Variants in SPON1 observed in about 807,000 individuals in gnomAD.
SPON1 encodes spondin 1.
Under a neutral mutation model 111.7 loss-of-function variants are expected in SPON1, and 52 were observed. The observed-to-expected ratio is 0.47, with a 90% CI of 0.37 to 0.59. The LOEUF (loss-of-function observed/expected upper bound fraction) is 0.59. Ranked by LOEUF, SPON1 falls within the 20% of genes least tolerant of loss-of-function variation. The pLI is 0.00. For missense variants in SPON1, 957 were observed against 1,068.5 expected, an observed-to-expected ratio of 0.90 and a Z score of 1.46; for synonymous variants, 410 against 395.8, an observed-to-expected ratio of 1.04 and a Z score of -0.43.
At chr11:14,186,674 A>G (rs561624700) in intron 6 of SPON1, among the ~76,000 whole-genome samples, 3 of 152,244 alleles carry the variant, frequency 2.0e-5, no homozygotes, top group South Asian at 2.1e-4. Flanking sequence ...GCTCATCTTC[A>G]TACCTAATCT....
intron 1 of SPON1, among the ~76,000 whole-genome samples, chr11:13,964,212 G>A (rs1847997986): frequency 6.6e-6 from 1 of 152,222 alleles, no homozygotes; most frequent in Non-Finnish European, 1.5e-5. Context: ...GAAGGGAAGC[G>A]AGCCTGTCTG....
At chr11:14,148,300 C>T (rs991500028) in intron 6 of SPON1, among the ~76,000 whole-genome samples, 3 of 152,104 alleles carry the variant, frequency 2.0e-5, no homozygotes, top group East Asian at 1.9e-4. Flanking sequence ...TGTGTACTTA[C>T]GTCTCTTGAA....
At chr11:14,118,182 T>G (rs10832183) in intron 5 of SPON1, among the ~76,000 whole-genome samples, 1 of 151,998 alleles carries the variant, frequency 6.6e-6, no homozygotes, top group African/African-American at 2.4e-5. Context: ...AAATACAAGC[T>G]CCTAGATTTT....
intron 2 of SPON1, 51 bp from the exon 3 acceptor site, chr11:14,041,470 G>A (rs1489041065): frequency 4.4e-6 from 7 of 1,600,370 alleles, no homozygotes; most frequent in Non-Finnish European, 8.5e-7. Flanking sequence ...AAGCTTAAGC[G>A]CCCTCTCAAA....
chr11:14,087,655 AGGTCCACTT>A (rs1265104077), intron 5 of SPON1, among the ~76,000 whole-genome samples: 1 of 152,200 alleles, frequency 6.6e-6, no homozygotes, highest in Non-Finnish European at 1.5e-5. Flanking sequence ...TAGTTCTATT[AGGTCCACTT>A]GGTCCAGAGC....
intron 7 of SPON1, among the ~76,000 whole-genome samples, chr11:14,251,722 C>T (rs1187564235): frequency 6.6e-6 from 1 of 152,204 alleles, no homozygotes; most frequent in Non-Finnish European, 1.5e-5. Flanking sequence ...GACAGCTGCA[C>T]CCAGGTGCCA....
intron 2 of SPON1, among the ~76,000 whole-genome samples, chr11:14,010,594 G>A (rs1327408419): frequency 6.6e-6 from 1 of 152,214 alleles, no homozygotes; most frequent in African/African-American, 2.4e-5. Context: ...TGCATGAGTG[G>A]AGTGTGTTTA....
At chr11:14,111,068 CA>C (rs1357201163) in intron 5 of SPON1, among the ~76,000 whole-genome samples, 1 of 152,152 alleles carries the variant, frequency 6.6e-6, no homozygotes, top group Non-Finnish European at 1.5e-5. Flanking sequence ...GTAGTAATAT[CA>C]AGGAAATGTC....
At chr11:14,079,473 G>C (rs1848943750) in intron 4 of SPON1, among the ~76,000 whole-genome samples, 1 of 152,010 alleles carries the variant, frequency 6.6e-6, no homozygotes, top group Admixed American at 6.6e-5. Context: ...TTTGGTCCCA[G>C]AGAATATTTC....
At chr11:14,194,569 G>GT (rs1848381381) in intron 6 of SPON1, among the ~76,000 whole-genome samples, 2 of 117,944 alleles carry the variant, frequency 1.7e-5, no homozygotes, top group Non-Finnish European at 3.7e-5. Flanking sequence ...CACACACACG[G>GT]ACTGCCTGCG....
Position 13,962,942 on chromosome 11 carries a change from C to T in SPON1, c.38C>T (p.Thr13Ile), listed in dbSNP as rs1847985182. 6.3e-7 allele frequency: 1 copy of T among 1,578,978 alleles called. No homozygotes were observed. Among genetic ancestry groups the T allele is most frequent in the African/African-American group, 1.4e-5 (1 of 73,232 alleles). Residue 13 changes from threonine to isoleucine, a missense_variant, in exon 1 of 16, where the codon ACT (threonine) becomes ATT (isoleucine). Around this residue, in one of 5 missense-constraint regions of SPON1, gnomAD observed 262 missense variants for 253.9 expected, o/e 1.03. Coordinates refer to ENST00000576479, the MANE Select transcript of SPON1 (RefSeq NM_006108.4). ...LSPAPLKLSR[T>I]PALLALALPL... Reference sequence around the variant, plus strand: ...CCGGCGCCCCTGAAGCTGAGCCGGACTCCGGCACTGCTGGCCCTGGCGCTG... The same window carrying T: ...CCGGCGCCCCTGAAGCTGAGCCGGATTCCGGCACTGCTGGCCCTGGCGCTG...
At position 14,256,690 on chromosome 11, in the gene SPON1, A is replaced by G. The variant is rs1849112706; in HGVS notation, c.1307A>G (p.Glu436Gly). 1 of 1,612,886 alleles carries G rather than the reference A, an allele frequency of 6.2e-7. No individual in the cohort carries two copies. The highest frequency in any genetic ancestry group is 1.3e-5 in the African/African-American group (1 of 74,912). Residue 436 changes from glutamate to glycine, a missense_variant and splice_region_variant, in exon 10 of 16, where the codon GAA becomes GGA. By Grantham distance (98) the Glu-to-Gly change is moderately conservative. Transcript: ENST00000576479. Reference sequence around the variant, plus strand: ...GACCTGGCTCCAGAAGAGAAAGATGAAGGTACGTTGTTTTCTTTTGTTGCA... The same window carrying G: ...GACCTGGCTCCAGAAGAGAAAGATGGAGGTACGTTGTTTTCTTTTGTTGCA... ...VADLAPEEKDEDDTPETCIYS... is the reference protein window; with the variant it reads ...VADLAPEEKDGDDTPETCIYS...
chr11:14,255,311 C>T (rs1554941068), intron 8 of SPON1, among the ~76,000 whole-genome samples: 1 of 152,186 alleles, frequency 6.6e-6, no homozygotes, highest in African/African-American at 2.4e-5. Context: ...TAGCATCTGG[C>T]CCTTTACTAA....
intron 3 of SPON1, among the ~76,000 whole-genome samples, chr11:14,059,307 AAG>A (rs1289259231): frequency 6.6e-6 from 1 of 152,176 alleles, no homozygotes; most frequent in Non-Finnish European, 1.5e-5. Context: ...TGTGCCCAGC[AAG>A]AAACTGGGCA....
intron 6 of SPON1, among the ~76,000 whole-genome samples, chr11:14,173,287 G>A (rs1848130618): frequency 6.6e-6 from 1 of 152,032 alleles, no homozygotes; most frequent in Non-Finnish European, 1.5e-5. Flanking sequence ...GATTGCATTG[G>A]CTACTGAGGC....
intron 6 of SPON1, among the ~76,000 whole-genome samples, chr11:14,177,663 TC>T (rs1554933251): frequency 6.6e-6 from 1 of 152,194 alleles, no homozygotes; most frequent in East Asian, 1.9e-4. Flanking sequence ...GGCAATCTAG[TC>T]CCTGGCCGTC....
intron 7 of SPON1, among the ~76,000 whole-genome samples, chr11:14,246,433 G>A (rs2133920163): frequency 6.6e-6 from 1 of 152,312 alleles, no homozygotes; most frequent in South Asian, 2.1e-4. Context: ...ACAGTACCCA[G>A]CTGATTCTAA....
At chr11:14,050,204 G>T (rs1554918316) in intron 3 of SPON1, among the ~76,000 whole-genome samples, 1 of 152,168 alleles carries the variant, frequency 6.6e-6, no homozygotes, top group African/African-American at 2.4e-5. Flanking sequence ...GTCTAACTCT[G>T]TATATTTCTA....
chr11:14,253,516 C>T (rs1480134101), intron 7 of SPON1, among the ~76,000 whole-genome samples: 13 of 152,262 alleles, frequency 8.5e-5, no homozygotes, highest in Non-Finnish European at 1.5e-4. Flanking sequence ...CCCCAGGCCC[C>T]AGTCGGGTCT....
Sources: allele counts gnomAD v4.1 joint callset (sites outside exome capture counted in the v4.1 genomes callset), GRCh38; gene constraint gnomAD v4.1.1; regional missense constraint gnomAD v4.1.1; transcripts MANE v1.5; gene names NCBI Gene and HGNC (gene_info 2026-07-23, HGNC 2026-07-21).